ACYP2: variants seen among roughly 807,000 people sequenced by gnomAD.
ACYP2 encodes the protein acylphosphatase 2, also known as acylphosphatase-2.
Under a neutral mutation model 11.2 loss-of-function variants are expected in ACYP2, and 12 were observed. That is an observed-to-expected ratio of 1.08 (90% CI 0.69 to 1.74). ACYP2 has a LOEUF of 1.74. Among genes scored for constraint, ACYP2 ranks in the 40% most tolerant of loss-of-function variants. The pLI is 0.00. For synonymous variants in ACYP2, 43 were observed against 32.2 expected, an observed-to-expected ratio of 1.33 and a Z score of -1.13; for missense variants, 134 against 101.9, an observed-to-expected ratio of 1.31 and a Z score of -1.35.
At chr2:54,151,710 A>G (rs1682178372) in intron 6 of ACYP2, among the ~76,000 whole-genome samples, 1 of 152,248 alleles carries the variant, frequency 6.6e-6, no homozygotes, top group African/African-American at 2.4e-5. Flanking sequence ...ATTTTCCTTT[A>G]GAACATAACC....
At chr2:53,978,261 CAAAAA>C (rs1273195454) in intron 2 of ACYP2, among the ~76,000 whole-genome samples, 1 of 56,146 alleles carries the variant, frequency 1.8e-5, no homozygotes. Context: ...GACTCCATCT[CAAAAA>C]AAAAAAAAAA....
At chr2:54,266,590 CTTTTTTTTTTTT>C (rs138812389) in intron 6 of ACYP2, among the ~76,000 whole-genome samples, 9 of 52,268 alleles carry the variant, frequency 1.7e-4, no homozygotes, top group East Asian at 7.0e-4. Flanking sequence ...ATCTATCTAT[CTTTTTTTTTTTT>C]TTTTTTTTTT....
chr2:54,164,308 G>A (rs1466310971), intron 6 of ACYP2, among the ~76,000 whole-genome samples: 1 of 152,158 alleles, frequency 6.6e-6, no homozygotes, highest in African/African-American at 2.4e-5. Context: ...CCAGATAGGT[G>A]AGGATTTAAC....
chr2:54,148,431 A>T (rs951447740), intron 6 of ACYP2, among the ~76,000 whole-genome samples: 1 of 152,238 alleles, frequency 6.6e-6, no homozygotes, highest in East Asian at 1.9e-4. Context: ...GAAAATCCAT[A>T]TGAAGCACTT....
intron 6 of ACYP2, among the ~76,000 whole-genome samples, chr2:54,292,454 T>A (rs1689350586): frequency 6.6e-6 from 1 of 152,198 alleles, no homozygotes; most frequent in African/African-American, 2.4e-5. Context: ...CATCTTGAAA[T>A]AATTATATCT....
intron 6 of ACYP2, among the ~76,000 whole-genome samples, chr2:54,291,353 C>CA (rs1689295105): frequency 6.6e-6 from 1 of 152,096 alleles, no homozygotes; most frequent in Admixed American, 6.5e-5. Flanking sequence ...AGAAAGGGTC[C>CA]ACAGAAGTGT....
intron 6 of ACYP2, among the ~76,000 whole-genome samples, chr2:54,190,295 C>T (rs1684188172): frequency 1.3e-5 from 2 of 152,128 alleles, no homozygotes. Context: ...ACAAACAAAA[C>T]AAAACCCCAA....
chr2:54,144,794 T>C (rs749232466), intron 6 of ACYP2, among the ~76,000 whole-genome samples: 1 of 152,178 alleles, frequency 6.6e-6, no homozygotes, highest in African/African-American at 2.4e-5. Context: ...AGAATTTATC[T>C]ACTTAATTGG....
At chr2:54,070,537 C>G (rs943519331) in intron 4 of ACYP2, among the ~76,000 whole-genome samples, 5 of 152,098 alleles carry the variant, frequency 3.3e-5, no homozygotes, top group African/African-American at 1.2e-4. Context: ...ACTTACTTAG[C>G]TCTTTTATGA....
chr2:54,092,525 C>CA (rs1180641786), intron 4 of ACYP2, among the ~76,000 whole-genome samples: 2 of 152,054 alleles, frequency 1.3e-5, no homozygotes, highest in East Asian at 3.9e-4. Context: ...TGGAATCATC[C>CA]ACCAGTTAAG....
intron 6 of ACYP2, among the ~76,000 whole-genome samples, chr2:54,174,649 T>C (rs1683360920): frequency 6.6e-6 from 1 of 152,198 alleles, no homozygotes; most frequent in South Asian, 2.1e-4. Flanking sequence ...CAGTATGATA[T>C]TGGCTGTGGG....
intron 2 of ACYP2, among the ~76,000 whole-genome samples, chr2:54,007,042 T>G (rs1673101819): frequency 1.4e-5 from 2 of 146,804 alleles, no homozygotes; most frequent in African/African-American, 5.1e-5. Flanking sequence ...GGAGAATCAC[T>G]TGAACCAAGG....
chr2:54,229,687 A>G (rs750670875), intron 6 of ACYP2, among the ~76,000 whole-genome samples: 1 of 152,216 alleles, frequency 6.6e-6, no homozygotes, highest in Non-Finnish European at 1.5e-5. Context: ...CATATTTTAT[A>G]ACAGCACCAA....
intron 4 of ACYP2, among the ~76,000 whole-genome samples, chr2:54,073,836 C>G (rs2103652824): frequency 6.6e-6 from 1 of 152,210 alleles, no homozygotes; most frequent in South Asian, 2.1e-4. Flanking sequence ...AAAGAGATAC[C>G]ACTTCATACC....
At chr2:54,174,888 C>G (rs1286127648) in intron 6 of ACYP2, among the ~76,000 whole-genome samples, 1 of 152,118 alleles carries the variant, frequency 6.6e-6, no homozygotes, top group Non-Finnish European at 1.5e-5. Context: ...CCTACTTGAT[C>G]GTGGTGGATA....
chr2:54,248,569 T>TA (rs1337538467), intron 6 of ACYP2, among the ~76,000 whole-genome samples: 1 of 152,060 alleles, frequency 6.6e-6, no homozygotes, highest in East Asian at 1.9e-4. Flanking sequence ...AAACTTCAGG[T>TA]AGGGAAAATT....
At chr2:54,106,742 C>A (rs1028841749) in intron 4 of ACYP2, among the ~76,000 whole-genome samples, 4 of 152,080 alleles carry the variant, frequency 2.6e-5, no homozygotes, top group Non-Finnish European at 4.4e-5. Flanking sequence ...TGCCACCAAG[C>A]CCGGCTAATT....
At chr2:54,022,363 C>G (rs1187736413) in intron 2 of ACYP2, among the ~76,000 whole-genome samples, 1 of 152,018 alleles carries the variant, frequency 6.6e-6, no homozygotes, top group Non-Finnish European at 1.5e-5. Flanking sequence ...GGGTCTCACC[C>G]TGTCACCCAT....
intron 2 of ACYP2, among the ~76,000 whole-genome samples, chr2:54,008,921 G>A (rs1161154307): frequency 2.6e-5 from 4 of 152,180 alleles, no homozygotes; most frequent in African/African-American, 7.2e-5. Context: ...CCGAGGCTGA[G>A]GCAGGCAGAT....
Sources: gnomAD v4.1 joint callset for allele counts (sites outside exome capture counted in the v4.1 genomes callset) on GRCh38, gnomAD v4.1.1 for gene constraint, MANE v1.5 for transcripts, NCBI Gene and HGNC (gene_info 2026-07-23, HGNC 2026-07-21) for gene names.